KCNAB2: variants seen among roughly 807,000 people sequenced by gnomAD.
KCNAB2 encodes the protein potassium voltage-gated channel subfamily A regulatory beta subunit 2, also known as voltage-gated potassium channel subunit beta-2.
In KCNAB2, 29 loss-of-function variants were observed where a neutral mutation model predicts 63.6. That is an observed-to-expected ratio of 0.46 (90% CI 0.34 to 0.62). KCNAB2 has a LOEUF of 0.62. KCNAB2 is among the 20% of genes least tolerant of loss of function. The pLI, the probability that KCNAB2 is intolerant of heterozygous loss-of-function variation, is 0.01. For missense variants in KCNAB2, 359 were observed against 563.9 expected (o/e 0.64, Z 3.68); for synonymous variants, 222 against 224.2 (o/e 0.99, Z 0.09).
chr1:6,009,795 G>C (rs486823), intron 1 of KCNAB2, among the ~76,000 whole-genome samples: 62,879 of 151,748 alleles, frequency 0.41, 13,556 homozygotes, highest in East Asian at 0.6. Flanking sequence ...TATGTCTTTA[G>C]CAGGTGTTTC....
intron 1 of KCNAB2, among the ~76,000 whole-genome samples, chr1:6,020,560 G>A (rs1002602451): frequency 2.6e-5 from 4 of 152,160 alleles, no homozygotes; most frequent in Admixed American, 1.3e-4. Flanking sequence ...GTTATGGACC[G>A]CCACAGGCCA....
intron 1 of KCNAB2, chr1:6,036,077 G>A (rs151320354): frequency 1.3e-5 from 2 of 152,396 alleles, no homozygotes; most frequent in East Asian, 3.9e-4. Context: ...GAGTGGTGAG[G>A]GCAGAGGCTG....
At chr1:6,010,715 G>A (rs933543420) in intron 1 of KCNAB2, among the ~76,000 whole-genome samples, 3 of 152,230 alleles carry the variant, frequency 2.0e-5, no homozygotes, top group Non-Finnish European at 4.4e-5. Flanking sequence ...AGGGTGGGGT[G>A]GGCCGCCCCA....
chr1:6,000,715 G>A (rs1657206558), intron 1 of KCNAB2, among the ~76,000 whole-genome samples: 1 of 151,746 alleles, frequency 6.6e-6, no homozygotes, highest in African/African-American at 2.4e-5. Flanking sequence ...TTTACATGAA[G>A]CCTATAGGCC....
At position 6,096,965 on chromosome 1, in the gene KCNAB2, C is replaced by T. The variant is rs1320053473; in HGVS notation, c.1069+209C>T. On this transcript the variant is annotated intron_variant, in intron 14 of 15. Coordinates refer to ENST00000378083, the MANE Select transcript of KCNAB2 (RefSeq NM_001199862.2). The surrounding 1 kb of genome is among the most constrained non-coding windows in gnomAD (Gnocchi z 5.9). ...GCCTCTAGGGGGATGTCAGGAGTCCCTGAGGACCTGGGCCACCCCCTCCAT... is the reference window on the plus strand; with the variant it reads ...GCCTCTAGGGGGATGTCAGGAGTCCTTGAGGACCTGGGCCACCCCCTCCAT... Among the ~76,000 whole-genome samples the T allele has an allele frequency of 6.6e-6, 1 of 152,156 alleles. No individual in the cohort carries two copies. The highest frequency in any genetic ancestry group is 1.5e-5 in the Non-Finnish European group (1 of 67,996).
At chr1:6,043,447 A>G (rs549865942), upstream of KCNAB2, among the ~76,000 whole-genome samples, 1 of 152,112 alleles carries the variant, frequency 6.6e-6, no homozygotes, top group Non-Finnish European at 1.5e-5. Context: ...AAGAACCTTC[A>G]TTTCCAGGTG....
chr1:6,074,815 C>T lies in KCNAB2; in HGVS notation c.300+1045C>T, dbSNP rs377742033. 6.6e-6 allele frequency among the ~76,000 whole-genome samples: 1 copy of T among 151,816 alleles called. No individual in the cohort carries two copies. Among genetic ancestry groups the T allele is most frequent in the Non-Finnish European group, 1.5e-5 (1 of 67,968 alleles). On this transcript the variant is annotated intron_variant, in intron 4 of 15. Transcript: ENST00000378083. The surrounding 1 kb of genome is among the most constrained non-coding windows in gnomAD (Gnocchi z 4.9). Reference sequence around the variant, plus strand: ...ACTAAAAATACAAAAATTAGCTGGGCGTGGTAGGGGCGCCTGTAATCCCAG... The same window carrying T: ...ACTAAAAATACAAAAATTAGCTGGGTGTGGTAGGGGCGCCTGTAATCCCAG...
intron 1 of KCNAB2, among the ~76,000 whole-genome samples, chr1:6,010,930 GC>G (rs1658111128): frequency 6.6e-6 from 1 of 152,212 alleles, no homozygotes; most frequent in African/African-American, 2.4e-5. Context: ...CGAGCAGCCT[GC>G]CCCAGCTCTT....
At chr1:6,038,574 C>T (rs538824339) in intron 1 of KCNAB2, among the ~76,000 whole-genome samples, 2 of 152,270 alleles carry the variant, frequency 1.3e-5, no homozygotes, top group African/African-American at 4.8e-5. Context: ...CTCGGCCTCC[C>T]GAAGTGCTGG....
At chr1:6,005,966 C>CACA (rs1657668501) in intron 1 of KCNAB2, among the ~76,000 whole-genome samples, 1 of 28,452 alleles carries the variant, frequency 3.5e-5, no homozygotes, top group Non-Finnish European at 6.3e-5. Flanking sequence ...CTACATTTCC[C>CACA]ACTCCACCCT....
At chr1:6,053,403 C>T (rs913472635) in intron 2 of KCNAB2, among the ~76,000 whole-genome samples, 3 of 152,120 alleles carry the variant, frequency 2.0e-5, no homozygotes, top group Non-Finnish European at 2.9e-5. Flanking sequence ...AGAGAAGCAG[C>T]GAGCTTGCAC....
upstream of KCNAB2, among the ~76,000 whole-genome samples, chr1:6,030,469 A>G (rs886960950): frequency 7.0e-5 from 10 of 141,864 alleles, no homozygotes; most frequent in South Asian, 4.5e-4. Context: ...GTGTGTGTGT[A>G]TGTGCATATG....
chr1:6,091,575 C>T (rs575871630), intron 10 of KCNAB2, among the ~76,000 whole-genome samples: 11 of 152,068 alleles, frequency 7.2e-5, no homozygotes, highest in South Asian at 2.1e-4. Flanking sequence ...CTGAGCTCCG[C>T]GGCGGCCGGG....
At chr1:6,063,225 A>C (rs182790061) in intron 2 of KCNAB2, among the ~76,000 whole-genome samples, 1 of 151,662 alleles carries the variant, frequency 6.6e-6, no homozygotes, top group Non-Finnish European at 1.5e-5. Flanking sequence ...GGGTTTCGCC[A>C]TGTTGGCCAG....
rs1662995017 is a variant in KCNAB2 at position 6,069,201 on chromosome 1, G to A, written c.219-3554G>A. Among the ~76,000 whole-genome samples the A allele has an allele frequency of 6.6e-6, 1 of 152,212 alleles. No homozygotes were observed. Among genetic ancestry groups the A allele is most frequent in the African/African-American group, 2.4e-5 (1 of 41,452 alleles). On this transcript the variant is annotated intron_variant, in intron 2 of 15. Coordinates refer to ENST00000378083, the MANE Select transcript of KCNAB2 (RefSeq NM_001199862.2). This position sits in a 1 kb window ranked among gnomAD's most constrained non-coding sequence, Gnocchi z 5.4. ...ACTGCACGGAGCAGACAGGCGAGCAGGGCACTAACAGGAGCCACCCCATGT... is the reference window on the plus strand; with the variant it reads ...ACTGCACGGAGCAGACAGGCGAGCAAGGCACTAACAGGAGCCACCCCATGT...
At chr1:6,042,082 G>A (rs1331252996), upstream of KCNAB2, among the ~76,000 whole-genome samples, 2 of 152,138 alleles carry the variant, frequency 1.3e-5, no homozygotes, top group Non-Finnish European at 2.9e-5. Flanking sequence ...TTAATTGTAT[G>A]TGTTGGTCTG....
At chr1:6,045,171 T>C (rs1660812950), upstream of KCNAB2, among the ~76,000 whole-genome samples, 1 of 152,208 alleles carries the variant, frequency 6.6e-6, no homozygotes. This position sits in a 1 kb window ranked among gnomAD's most constrained non-coding sequence, Gnocchi z 4.8. Flanking sequence ...ACTGATTTCC[T>C]GTCCCCCACC....
intron 2 of KCNAB2, among the ~76,000 whole-genome samples, chr1:6,053,916 G>A (rs1661592041): frequency 6.6e-6 from 1 of 151,832 alleles, no homozygotes; most frequent in African/African-American, 2.4e-5. Flanking sequence ...GGTGACACAT[G>A]CCTGTGGTCC....
At chr1:6,095,184 G>C in intron 11 of KCNAB2, 139 bp from the exon 12 acceptor site, 1 of 869,624 alleles carries the variant, frequency 1.1e-6, no homozygotes, top group Non-Finnish European at 1.8e-6. Context: ...AGCTATGAGT[G>C]TGAGCAGTGG....
Sources: allele counts gnomAD v4.1 joint callset (sites outside exome capture counted in the v4.1 genomes callset), GRCh38; gene constraint gnomAD v4.1.1; non-coding constraint Gnocchi (gnomAD v3.1); transcripts MANE v1.5; gene names NCBI Gene and HGNC (gene_info 2026-07-23, HGNC 2026-07-21).